FOCAD: variants seen among roughly 807,000 people sequenced by gnomAD.
FOCAD encodes the protein KIAA1797.
A neutral mutation model predicts 225.6 loss-of-function variants in FOCAD; 198 were observed. The observed-to-expected ratio is 0.88, with a 90% CI of 0.78 to 0.99. The LOEUF is 0.99. Ranked by LOEUF, FOCAD falls within the 50% of genes least tolerant of loss-of-function variation. The pLI, the probability that FOCAD is intolerant of heterozygous loss-of-function variation, is 0.00. For missense variants in FOCAD, 2,713 were observed against 2,123.6 expected (o/e 1.28, Z -5.46); for synonymous variants, 897 against 755.0 (o/e 1.19, Z -3.08).
At chr9:20,756,764 A>G (rs10964685) in intron 5 of FOCAD, among the ~76,000 whole-genome samples, 3,223 of 152,286 alleles carry the variant, frequency 0.021, 55 homozygotes, top group Middle Eastern at 0.075. Context: ...CATGAAGGCA[A>G]TCTTAAAAAA....
intron 21 of FOCAD, among the ~76,000 whole-genome samples, chr9:20,889,993 A>T (rs1587518462): frequency 6.6e-6 from 1 of 151,946 alleles, no homozygotes; most frequent in East Asian, 1.9e-4. Context: ...TTTTATTTTA[A>T]TTTTTTACTG....
At chr9:20,683,863 A>C (rs1822491144), upstream of FOCAD, 1 of 152,238 alleles carries the variant, frequency 6.6e-6, no homozygotes, top group African/African-American at 2.4e-5. Context: ...GAGAAACAAA[A>C]TCTCCAAATA....
chr9:20,761,817 T>C (rs941041298), intron 6 of FOCAD, among the ~76,000 whole-genome samples: 6 of 152,210 alleles, frequency 3.9e-5, no homozygotes, highest in African/African-American at 1.4e-4. Context: ...TGTAGGTACA[T>C]ACATAATTGG....
At chr9:20,880,895 G>C (rs1830614232) in intron 19 of FOCAD, among the ~76,000 whole-genome samples, 1 of 151,728 alleles carries the variant, frequency 6.6e-6, no homozygotes, top group Admixed American at 6.6e-5. Flanking sequence ...TTTCTGTATT[G>C]GGCAACCTCT....
chr9:20,699,575 A>G (rs1587255664), intron 1 of FOCAD, among the ~76,000 whole-genome samples: 1 of 150,568 alleles, frequency 6.6e-6, no homozygotes, highest in East Asian at 2.0e-4. Context: ...CCCTGTCTCT[A>G]CTAAAAATAC....
rs759714336 is a variant in FOCAD, at chr9:20,717,887, G to C, written c.132+19G>C. ...AAATCAGGTCTGTGTTTAACTTTATGCTTTAATTCTCTTCAGATAAGATTG... is the reference window on the plus strand; with the variant it reads ...AAATCAGGTCTGTGTTTAACTTTATCCTTTAATTCTCTTCAGATAAGATTG... On this transcript the variant is annotated intron_variant, in intron 3 of 43. Coordinates refer to ENST00000338382, the MANE Select transcript of FOCAD (RefSeq NM_001375567.1). 29 of 1,593,206 alleles carry C rather than the reference G, an allele frequency of 1.8e-5. No homozygotes were observed. The Admixed American group carries it at 4.7e-4, about 26-fold the overall frequency.
chr9:20,812,689 C>T (rs1400447753), intron 11 of FOCAD, among the ~76,000 whole-genome samples: 2 of 152,060 alleles, frequency 1.3e-5, no homozygotes, highest in Non-Finnish European at 2.9e-5. Context: ...TGCTGTTACT[C>T]TGCCAAGGTA....
chr9:20,893,556 G>A (rs1358109205), intron 21 of FOCAD, among the ~76,000 whole-genome samples: 1 of 152,046 alleles, frequency 6.6e-6, no homozygotes, highest in Non-Finnish European at 1.5e-5. Flanking sequence ...ATTAATAACA[G>A]CCCCTAAAGA....
chr9:20,770,380 T>C (rs1007454499), intron 8 of FOCAD, 142 bp downstream of exon 8: 10 of 736,946 alleles, frequency 1.4e-5, no homozygotes, highest in Non-Finnish European at 2.2e-5. Context: ...TCTGCTTAGC[T>C]TCTGGGGAGG....
intron 15 of FOCAD, among the ~76,000 whole-genome samples, chr9:20,831,125 C>A (rs1316882977): frequency 6.6e-6 from 1 of 151,862 alleles, no homozygotes; most frequent in African/African-American, 2.4e-5. Context: ...TTGTGTTGTT[C>A]TAGAGGTATT....
intron 24 of FOCAD, among the ~76,000 whole-genome samples, chr9:20,917,637 C>T (rs906124613): frequency 3.9e-5 from 6 of 152,016 alleles, no homozygotes; most frequent in African/African-American, 1.4e-4. Context: ...TTCTGTTTGA[C>T]TCCTTTCTTT....
chr9:20,965,903 G>A (rs1188035837), intron 35 of FOCAD, among the ~76,000 whole-genome samples: 1 of 152,068 alleles, frequency 6.6e-6, no homozygotes, highest in East Asian at 1.9e-4. Flanking sequence ...CCATTGCATG[G>A]GTATGCCACA....
chr9:20,982,499 T>A, intron 39 of FOCAD, 53 bp downstream of exon 39: 1 of 1,446,414 alleles, frequency 6.9e-7, no homozygotes, highest in Non-Finnish European at 9.7e-7. Flanking sequence ...GAAATTACGA[T>A]TGAATAATTG....
At chr9:20,888,403 C>T (rs1258790706) in intron 21 of FOCAD, among the ~76,000 whole-genome samples, 6 of 152,018 alleles carry the variant, frequency 3.9e-5, no homozygotes, top group Admixed American at 1.3e-4. Flanking sequence ...TCCCAAAGTG[C>T]TGGAATTACA....
chr9:20,703,605 C>A (rs1824152345), intron 1 of FOCAD, among the ~76,000 whole-genome samples: 1 of 151,922 alleles, frequency 6.6e-6, no homozygotes, highest in African/African-American at 2.4e-5. Flanking sequence ...GACTTGCATA[C>A]AAGATCCCAT....
At chr9:20,919,370 G>T in intron 24 of FOCAD, among the ~76,000 whole-genome samples, 1 of 152,136 alleles carries the variant, frequency 6.6e-6, no homozygotes. Flanking sequence ...AATCAATATC[G>T]TGAAAATGGC....
intron 1 of FOCAD, among the ~76,000 whole-genome samples, chr9:20,686,658 G>A (rs1305084209): frequency 2.0e-5 from 3 of 152,162 alleles, no homozygotes; most frequent in African/African-American, 7.2e-5. Flanking sequence ...AAATTAGGGT[G>A]ATAATTTAAA....
intron 2 of FOCAD, among the ~76,000 whole-genome samples, chr9:20,664,745 C>A (rs2131264630): frequency 6.6e-6 from 1 of 150,958 alleles, no homozygotes; most frequent in South Asian, 2.1e-4. Flanking sequence ...TCCCAATGTG[C>A]TGGGATTACA....
chr9:20,706,062 G>A (rs774271490), intron 1 of FOCAD, among the ~76,000 whole-genome samples: 28 of 149,990 alleles, frequency 1.9e-4, no homozygotes, highest in South Asian at 1.3e-3. Context: ...AGCCTCCCAA[G>A]TAGCTGTTTC....
Sources: gnomAD v4.1 joint callset for allele counts (sites outside exome capture counted in the v4.1 genomes callset) on GRCh38, gnomAD v4.1.1 for gene constraint, MANE v1.5 for transcripts, NCBI Gene and HGNC (gene_info 2026-07-23, HGNC 2026-07-21) for gene names.